The following LENG8 variants were observed in gnomAD, a reference collection of about 807,000 sequenced individuals.
LENG8 encodes leukocyte receptor cluster member 8, also known as leukocyte receptor cluster (LRC) member 8.
A neutral mutation model predicts 102.1 loss-of-function variants in LENG8; 28 were observed. The ratio of observed to expected loss-of-function variants is 0.27; its 90% CI spans 0.20 to 0.38. LENG8 has a LOEUF of 0.38. Ranked by LOEUF, LENG8 falls within the 10% of genes least tolerant of loss-of-function variation. The pLI is 1.00. For missense variants in LENG8, 1,022 were observed against 1,113.9 expected (o/e 0.92, Z 1.17); for synonymous variants, 531 against 456.7 (o/e 1.16, Z -2.07).
intron 1 of LENG8, chr19:54,449,843 C>T (rs1023283211): frequency 6.5e-6 from 1 of 152,792 alleles, no homozygotes; most frequent in African/African-American, 2.4e-5. Context: ...GACCTTACCT[C>T]TAATCTCCCT....
intron 2 of LENG8, 53 bp downstream of exon 2, chr19:54,451,435 A>C: frequency 6.3e-7 from 1 of 1,576,506 alleles, no homozygotes; most frequent in Non-Finnish European, 8.7e-7. Context: ...AGGAAGCAAG[A>C]CCCAGTGCTG....
intron 6 of LENG8, 125 bp from the exon 7 acceptor site, chr19:54,454,826 A>G (rs2084139297): frequency 6.9e-7 from 1 of 1,439,110 alleles, no homozygotes; most frequent in Non-Finnish European, 9.5e-7. Flanking sequence ...GACCAGGCAC[A>G]TGTGTGCTGG....
In LENG8 at chr19:54,460,009, C is replaced by T. The variant is rs561167592; in HGVS notation, c.2241-757C>T. 138 of 1,254,022 alleles carry T rather than the reference C, an allele frequency of 1.1e-4. No individual in the cohort carries two copies. In the Middle Eastern group the frequency reaches 2.7e-3, roughly 24 times the overall value. 77.7% of individuals were successfully genotyped at this position (1,254,022 alleles called of 1,614,324 possible). ...CCATGAGTGCCCCTCGTGGGTGGGG[C>T]GCCAGTCTGTCATTGACCTCATTGT... is the stretch of plus-strand genomic sequence containing the variant. On this transcript the variant is annotated intron_variant, in intron 15 of 15. Coordinates refer to ENST00000326764, the MANE Select transcript of LENG8 (RefSeq NM_052925.4).
intron 1 of LENG8, among the ~76,000 whole-genome samples, chr19:54,451,077 A>G (rs566419408): frequency 6.6e-6 from 1 of 151,766 alleles, no homozygotes; most frequent in South Asian, 2.1e-4. Context: ...TTCGTTTTCC[A>G]CCTGGAGCTC....
At chr19:54,454,816 G>C in intron 6 of LENG8, 134 bp downstream of exon 6, 1 of 1,433,386 alleles carries the variant, frequency 7.0e-7, no homozygotes, top group South Asian at 1.3e-5. Flanking sequence ...GGCTGCTCTG[G>C]ACCAGGCACA....
At chr19:54,450,449 T>C (rs190590644) in intron 1 of LENG8, among the ~76,000 whole-genome samples, 2 of 152,208 alleles carry the variant, frequency 1.3e-5, no homozygotes, top group East Asian at 1.9e-4. Flanking sequence ...AATTTTCTTC[T>C]CTTCTCCAAT....
In LENG8 at chr19:54,456,125, G is replaced by T; in HGVS notation, c.1184G>T (p.Gly395Val). The change falls in exon 9 of 16, where the codon GGC (glycine) becomes GTC (valine). Residue 395 changes from glycine to valine, a missense_variant. Physicochemically the swap from Gly to Val is moderately radical, Grantham distance 109. Transcript: ENST00000326764. ...PGAGGAGRAR[G>V]NSFTKFGNRN... The stretch of plus-strand genomic sequence containing the variant: ...GCTGGGGGTGCCGGTCGAGCCCGGG[G>T]CAACAGCTTCACCAAGTTTGGCAAC... 1 of 1,611,008 alleles carries T rather than the reference G, an allele frequency of 6.2e-7. No individual in the cohort carries two copies. The highest frequency in any genetic ancestry group is 1.7e-5 in the Admixed American group (1 of 59,768).
At chr19:54,452,783 G>A (rs2084022405) in intron 4 of LENG8, 31 bp downstream of exon 4, 1 of 1,516,544 alleles carries the variant, frequency 6.6e-7, no homozygotes, top group South Asian at 1.1e-5. Flanking sequence ...GCGGGGCAGG[G>A]CGAGGTGGAG....
chr19:54,454,310 A>C (rs2084102858), intron 5 of LENG8, 120 bp from the exon 6 acceptor site: 1 of 939,208 alleles, frequency 1.1e-6, no homozygotes, highest in East Asian at 2.5e-5. Flanking sequence ...ACATTTGGGA[A>C]GGTCACGGGA....
At chr19:54,454,841 C>T (rs1254219601) in intron 6 of LENG8, 110 bp from the exon 7 acceptor site, 3 of 1,480,172 alleles carry the variant, frequency 2.0e-6, no homozygotes, top group Non-Finnish European at 2.8e-6. Flanking sequence ...TGCTGGAGCC[C>T]TCCTCTAGAA....
At position 54,460,026 on chromosome 19, in the gene LENG8, C is replaced by T. The variant is rs2084450797; in HGVS notation, c.2241-740C>T. 1.2e-5 allele frequency: 15 copies of T among 1,278,236 alleles called. 1 individual carries two copies. In the South Asian group the frequency reaches 1.9e-4, roughly 16 times the overall value. 79.2% of individuals were successfully genotyped at this position (1,278,236 alleles called of 1,614,324 possible). A position where few individuals can be genotyped will look rare whatever the true frequency, so the allele number is the denominator to read the frequency against. On this transcript the variant is annotated intron_variant, in intron 15 of 15. Coordinates refer to ENST00000326764, the MANE Select transcript of LENG8 (RefSeq NM_052925.4). ...GGGTGGGGCGCCAGTCTGTCATTGA[C>T]CTCATTGTGTCAGCACCTTCCCCCC...
chr19:54,458,027 C>T (rs1309579587), intron 13 of LENG8, 25 bp downstream of exon 13: 4 of 1,612,948 alleles, frequency 2.5e-6, no homozygotes, highest in Admixed American at 1.7e-5. Context: ...GCGGGCCTCC[C>T]CAGCCCCTTT....
rs1319309625 is a variant in LENG8, at chr19:54,461,790, CT to C, written c.*866del. 3.2e-6 allele frequency: 2 copies of C among 628,368 alleles called. No individual in the cohort carries two copies. Among genetic ancestry groups the C allele is most frequent in the East Asian group, 3.5e-5 (1 of 28,774 alleles). 38.9% of individuals were successfully genotyped at this position (628,368 alleles called of 1,614,324 possible). A position where few individuals can be genotyped will look rare whatever the true frequency, so the allele number is the denominator to read the frequency against. On this transcript the variant is annotated 3_prime_UTR_variant, in exon 16 of 16. Transcript: ENST00000326764. ...TAAGTTATTTTTCTTCCTCCTCTCC[CT>C]TTTCTTTTTGGCCCTCCCTCCCTCC... is the stretch of plus-strand genomic sequence containing the variant.
intron 15 of LENG8, chr19:54,460,554 G>T: frequency 1.4e-6 from 2 of 1,413,938 alleles, no homozygotes; most frequent in Non-Finnish European, 1.8e-6. Flanking sequence ...GTAAGTGAGG[G>T]TGAGGGGGGC....
Position 54,455,619 on chromosome 19 carries a change from G to C in LENG8, c.1025+52G>C, listed in dbSNP as rs760349456. On this transcript the variant is annotated intron_variant, in intron 8 of 15. Coordinates refer to ENST00000326764, the MANE Select transcript of LENG8 (RefSeq NM_052925.4). Reference sequence around the variant, plus strand: ...GGAGGGTGGTGCTGTGAGAGGCATGGGCTGGGTATGGAGGTAGGAGAGTTG... The same window carrying C: ...GGAGGGTGGTGCTGTGAGAGGCATGCGCTGGGTATGGAGGTAGGAGAGTTG... 3.3e-6 allele frequency: 5 copies of C among 1,500,428 alleles called. No individual in the cohort carries two copies. In the East Asian group the frequency reaches 1.2e-4, roughly 36 times the overall value. The allele number at this position is 1,500,428 out of a possible 1,614,324, so 92.9% of individuals were successfully genotyped here.
At chr19:54,460,167 C>A in intron 15 of LENG8, 1 of 1,289,928 alleles carries the variant, frequency 7.8e-7, no homozygotes, top group Non-Finnish European at 1.0e-6. Flanking sequence ...ACTTAGTGCC[C>A]CTCACTCGGT....
At chr19:54,458,585 C>T in intron 15 of LENG8, 64 bp downstream of exon 15, 7 of 1,604,828 alleles carry the variant, frequency 4.4e-6, no homozygotes, top group Non-Finnish European at 6.0e-6. Flanking sequence ...CACCGCCCCT[C>T]AGACCAGCTC....
rs752151141 is a variant in LENG8, at chr19:54,458,265, T to C, written c.2032+33T>C. 1.9e-6 allele frequency: 3 copies of C among 1,613,782 alleles called. No individual in the cohort carries two copies. In the East Asian group the frequency reaches 6.7e-5, roughly 36 times the overall value. ...CCAGTCCCCAGGACAGAGGCCATGG[T>C]ACCCAGGGTTGAGCCCTGCTGACTT... is the stretch of plus-strand genomic sequence containing the variant. On this transcript the variant is annotated intron_variant, in intron 14 of 15. Coordinates refer to ENST00000326764, the MANE Select transcript of LENG8 (RefSeq NM_052925.4).
At position 54,454,972 on chromosome 19, in the gene LENG8, T is replaced by C; in HGVS notation, c.701T>C (p.Leu234Pro). ...ACAGCCGCCCCTGGGACTGGAGGTC[T>C]CAAGTTCAACATCCAGAAGCGACCC... ...RMKPAPGTGGLKFNIQKRPFA... is the reference protein window; with the variant it reads ...RMKPAPGTGGPKFNIQKRPFA... The change falls in exon 7 of 16, where the codon CTC becomes CCC. Residue 234 changes from leucine (L) to proline (P), a missense_variant. Leu to Pro is a moderately conservative substitution (Grantham distance 98). Around this residue, in one of 7 missense-constraint regions of LENG8, gnomAD observed 343 missense variants for 320.2 expected, o/e 1.07. Coordinates refer to ENST00000326764, the MANE Select transcript of LENG8 (RefSeq NM_052925.4). The C allele has an allele frequency of 6.2e-7, 1 of 1,614,170 alleles. No individual in the cohort carries two copies. The highest frequency in any genetic ancestry group is 8.5e-7 in the Non-Finnish European group (1 of 1,180,020).
Sources: gnomAD v4.1 joint callset for allele counts (sites outside exome capture counted in the v4.1 genomes callset) on GRCh38, gnomAD v4.1.1 for gene constraint, gnomAD v4.1.1 regional missense constraint, MANE v1.5 for transcripts, NCBI Gene and HGNC (gene_info 2026-07-23, HGNC 2026-07-21) for gene names.